Variants in PCSK5 observed in about 807,000 individuals in gnomAD.
PCSK5 encodes proprotein convertase subtilisin/kexin type 5.
Under a neutral mutation model 233.2 loss-of-function variants are expected in PCSK5, and 129 were observed. The observed-to-expected ratio is 0.55, with a 90% CI of 0.48 to 0.64. The LOEUF (loss-of-function observed/expected upper bound fraction) is 0.64, where lower values mean the gene tolerates loss of function less well. Among genes scored for constraint, PCSK5 ranks in the 30% least tolerant of loss-of-function variants. The pLI, the probability that PCSK5 is intolerant of heterozygous loss-of-function variation, is 0.00. For missense variants in PCSK5, 2,076 were observed against 2,430.1 expected (o/e 0.85, Z 3.06); for synonymous variants, 825 against 879.2 (o/e 0.94, Z 1.09).
chr9:76,307,307 G>A (rs1027462663), intron 28 of PCSK5, among the ~76,000 whole-genome samples: 4 of 152,188 alleles, frequency 2.6e-5, no homozygotes, highest in Non-Finnish European at 1.5e-5. Context: ...GGAGAGGAAG[G>A]AAGGGAGAAA....
At chr9:76,169,899 T>A in intron 13 of PCSK5, 59 bp downstream of exon 13, 2 of 1,490,876 alleles carry the variant, frequency 1.3e-6, no homozygotes, top group Non-Finnish European at 1.9e-6. Context: ...TGGAGTATAT[T>A]TTGGCCAGAG....
At chr9:75,980,527 A>C (rs1380004419) in intron 2 of PCSK5, among the ~76,000 whole-genome samples, 1 of 152,170 alleles carries the variant, frequency 6.6e-6, no homozygotes, top group Admixed American at 6.5e-5. Flanking sequence ...AATCAAGTAA[A>C]ACTTCTCCAT....
intron 20 of PCSK5, among the ~76,000 whole-genome samples, chr9:76,224,663 TTGGAGA>T (rs1825830964): frequency 6.6e-6 from 1 of 152,176 alleles, no homozygotes; most frequent in Non-Finnish European, 1.5e-5. Flanking sequence ...ATTTAAAATC[TTGGAGA>T]TGGGGTAATC....
intron 22 of PCSK5, among the ~76,000 whole-genome samples, chr9:76,236,110 T>C (rs1826245271): frequency 6.6e-6 from 1 of 152,218 alleles, no homozygotes; most frequent in African/African-American, 2.4e-5. Flanking sequence ...CTTCCAGATT[T>C]ATTCACTACC....
At chr9:76,191,887 T>C (rs952321633) in intron 20 of PCSK5, among the ~76,000 whole-genome samples, 4 of 152,044 alleles carry the variant, frequency 2.6e-5, no homozygotes, top group African/African-American at 9.7e-5. Flanking sequence ...GAGACCAGCC[T>C]GAGCAACATG....
chr9:76,060,941 G>A (rs1830006922), intron 5 of PCSK5, among the ~76,000 whole-genome samples: 2 of 152,024 alleles, frequency 1.3e-5, no homozygotes, highest in African/African-American at 4.8e-5. Context: ...AAAAGACCAA[G>A]TTATATTCTA....
At chr9:76,205,523 C>A (rs1293425410) in intron 20 of PCSK5, among the ~76,000 whole-genome samples, 1 of 152,170 alleles carries the variant, frequency 6.6e-6, no homozygotes, top group Non-Finnish European at 1.5e-5. Context: ...TCATACCCCA[C>A]CATTCTGTAA....
intron 12 of PCSK5, among the ~76,000 whole-genome samples, chr9:76,161,546 G>A (rs994092545): frequency 7.4e-5 from 11 of 147,794 alleles, no homozygotes; most frequent in Non-Finnish European, 1.6e-4. Flanking sequence ...TGTGTGGATC[G>A]TGTTCCCCCG....
chr9:76,000,444 A>G (rs922281885), intron 3 of PCSK5, among the ~76,000 whole-genome samples: 1 of 152,136 alleles, frequency 6.6e-6, no homozygotes, highest in Non-Finnish European at 1.5e-5. Flanking sequence ...CATCACCTAG[A>G]TCCTTATAAG....
rs146727504 is a variant in PCSK5 at position 76,051,830 on chromosome 9, C to T, written c.633-16125C>T. 8.4e-3 allele frequency among the ~76,000 whole-genome samples: 1,281 copies of T among 152,286 alleles called. 9 individuals are homozygous for T. Among genetic ancestry groups the T allele is most frequent in the African/African-American group, 0.02 (821 of 41,562 alleles). ...GGAAAATCAGACAGGCTGCTCCCAA[C>T]GCTCCAACCACATGGAGTAAAAACT... On this transcript the variant is annotated intron_variant, in intron 5 of 37. Transcript: ENST00000674117.
intron 5 of PCSK5, among the ~76,000 whole-genome samples, chr9:76,046,553 C>CTTTTTTTTTTTTTT (rs1450481506): frequency 1.7e-5 from 2 of 117,866 alleles, no homozygotes; most frequent in Non-Finnish European, 1.8e-5. Flanking sequence ...TTTTTTCTTT[C>CTTTTTTTTTTTTTT]TTTTTCTTTT....
chr9:76,156,869 C>T (rs1235378677), intron 10 of PCSK5, among the ~76,000 whole-genome samples, 176 bp from the exon 11 acceptor site: 1 of 152,164 alleles, frequency 6.6e-6, no homozygotes, highest in Non-Finnish European at 1.5e-5. Flanking sequence ...GAAAACTGTA[C>T]ATATGTCTTA....
chr9:76,354,241 C>A, intron 37 of PCSK5, 22 bp downstream of exon 37: 1 of 1,540,084 alleles, frequency 6.5e-7, no homozygotes, highest in Non-Finnish European at 8.8e-7. Flanking sequence ...GCAAGAGCAG[C>A]CTGCAGAGGA....
chr9:76,009,254 A>G (rs1450137378), intron 3 of PCSK5, among the ~76,000 whole-genome samples: 5 of 152,186 alleles, frequency 3.3e-5, no homozygotes, highest in Non-Finnish European at 5.9e-5. Flanking sequence ...AAAAAGGTTC[A>G]ATTCTATTCA....
chr9:76,243,228 T>C (rs1161370869), intron 24 of PCSK5, among the ~76,000 whole-genome samples: 2 of 152,224 alleles, frequency 1.3e-5, no homozygotes, highest in Non-Finnish European at 2.9e-5. Flanking sequence ...AGCTCTTCAG[T>C]CCATTCATTA....
chr9:76,098,432 T>C (rs906702040), intron 8 of PCSK5, among the ~76,000 whole-genome samples: 3 of 152,228 alleles, frequency 2.0e-5, no homozygotes, highest in African/African-American at 4.8e-5. Flanking sequence ...AATGTTATAA[T>C]CTAGAAATAT....
intron 23 of PCSK5, among the ~76,000 whole-genome samples, chr9:76,240,006 G>A (rs909320955): frequency 5.9e-5 from 9 of 152,130 alleles, no homozygotes; most frequent in Non-Finnish European, 1.3e-4. Context: ...AATCGTATGT[G>A]TTATTGTTAT....
At chr9:76,341,689 C>T (rs1414876268) in intron 35 of PCSK5, among the ~76,000 whole-genome samples, 2 of 152,146 alleles carry the variant, frequency 1.3e-5, no homozygotes, top group Non-Finnish European at 2.9e-5. Context: ...TCTTTACTCC[C>T]TCTCTCTCTT....
intron 24 of PCSK5, among the ~76,000 whole-genome samples, chr9:76,255,224 T>C (rs1826946101): frequency 6.6e-6 from 1 of 151,946 alleles, no homozygotes; most frequent in East Asian, 1.9e-4. Flanking sequence ...GAAATTGAGG[T>C]TTCAGTGAGC....
Sources: gnomAD v4.1 joint callset for allele counts (sites outside exome capture counted in the v4.1 genomes callset) on GRCh38, gnomAD v4.1.1 for gene constraint, MANE v1.5 for transcripts, NCBI Gene and HGNC (gene_info 2026-07-23, HGNC 2026-07-21) for gene names.